Variants in BABAM2 observed in about 807,000 individuals in gnomAD.
The protein encoded by BABAM2 is BRISC and BRCA1-A complex member 2.
Under a neutral mutation model 54.7 loss-of-function variants are expected in BABAM2, and 31 were observed. The ratio of observed to expected loss-of-function variants is 0.57; its 90% CI spans 0.43 to 0.77. The LOEUF (loss-of-function observed/expected upper bound fraction) is 0.77. BABAM2 is among the 30% of genes least tolerant of loss of function. The pLI is 0.00. For missense variants in BABAM2, 364 were observed against 455.8 expected (o/e 0.80, Z 1.83); for synonymous variants, 167 against 162.9 (o/e 1.03, Z -0.19).
intron 7 of BABAM2, among the ~76,000 whole-genome samples, chr2:28,216,876 C>T (rs1679968640): frequency 6.6e-6 from 1 of 152,236 alleles, no homozygotes; most frequent in Middle Eastern, 3.2e-3. Context: ...TTTGGCCACA[C>T]TGGCCCCTTT....
intron 3 of BABAM2, among the ~76,000 whole-genome samples, chr2:27,960,372 T>C (rs1670380777): frequency 6.6e-6 from 1 of 152,176 alleles, no homozygotes; most frequent in Non-Finnish European, 1.5e-5. Flanking sequence ...CTGCTAGTGC[T>C]CTGGTTTGTG....
In BABAM2 at chr2:28,175,008, A is replaced by C. The variant is rs532685193; in HGVS notation, c.680+45628A>C. Among the ~76,000 whole-genome samples, 12 of 152,258 alleles carry C rather than the reference A, an allele frequency of 7.9e-5. No individual in the cohort carries two copies. The South Asian group carries it at 1.5e-3, about 18-fold the overall frequency. ...CTCAGGACAAAGGAAGCCAAAATGCATGCTTCCCAGAGCCCAAAACCTATC... is the reference window on the plus strand; with the variant it reads ...CTCAGGACAAAGGAAGCCAAAATGCCTGCTTCCCAGAGCCCAAAACCTATC... On this transcript the variant is annotated intron_variant, in intron 7 of 11. Coordinates refer to ENST00000379624, the MANE Select transcript of BABAM2 (RefSeq NM_199191.3).
At chr2:28,234,144 C>T (rs539222633) in intron 7 of BABAM2, among the ~76,000 whole-genome samples, 2 of 152,250 alleles carry the variant, frequency 1.3e-5, no homozygotes, top group South Asian at 2.1e-4. Context: ...TTGGTTTTAC[C>T]TATGTCTAGT....
At position 28,280,020 on chromosome 2, in the gene BABAM2, T is replaced by C. The variant is rs12464744; in HGVS notation, c.935-18318T>C. ...CACATACCTTTTCTTATTTGACTTA[T>C]AAGAACGCATTTGGTCCTAGTCTCA... On this transcript the variant is annotated intron_variant, in intron 10 of 11. Coordinates refer to ENST00000379624, the MANE Select transcript of BABAM2 (RefSeq NM_199191.3). Among the ~76,000 whole-genome samples, 260 of 152,096 alleles carry C rather than the reference T, an allele frequency of 1.7e-3. 8 individuals are homozygous for C. The highest frequency in any genetic ancestry group is 0.014 in the Admixed American group (218 of 15,264).
chr2:27,888,743 T>C (rs1664611409), upstream of BABAM2, among the ~76,000 whole-genome samples: 1 of 151,954 alleles, frequency 6.6e-6, no homozygotes, highest in Non-Finnish European at 1.5e-5. Flanking sequence ...GATGTTCTTG[T>C]AAGGCTTGGG....
At chr2:28,288,881 C>T (rs1687043143) in intron 10 of BABAM2, among the ~76,000 whole-genome samples, 1 of 151,954 alleles carries the variant, frequency 6.6e-6, no homozygotes, top group African/African-American at 2.4e-5. Context: ...CTTGACCTTG[C>T]CAGGTCTCCT....
At chr2:28,260,474 G>T (rs539036685) in intron 10 of BABAM2, among the ~76,000 whole-genome samples, 2 of 148,746 alleles carry the variant, frequency 1.3e-5, no homozygotes, top group Non-Finnish European at 2.9e-5. Context: ...GCTAATTTTT[G>T]TATTTTTAGT....
At chr2:28,018,182 T>C (rs1475005324) in intron 4 of BABAM2, among the ~76,000 whole-genome samples, 1 of 152,210 alleles carries the variant, frequency 6.6e-6, no homozygotes, top group Non-Finnish European at 1.5e-5. Flanking sequence ...TGCGTCATTC[T>C]TATACCTTTG....
chr2:28,092,585 G>A (rs1306119334), intron 6 of BABAM2, among the ~76,000 whole-genome samples: 2 of 152,140 alleles, frequency 1.3e-5, no homozygotes, highest in African/African-American at 4.8e-5. Flanking sequence ...TTAAGACAGA[G>A]GTATACCATG....
chr2:27,992,662 T>G (rs1387089013), intron 4 of BABAM2, among the ~76,000 whole-genome samples: 3 of 152,216 alleles, frequency 2.0e-5, no homozygotes, highest in African/African-American at 4.8e-5. Flanking sequence ...GTTGGAATTT[T>G]GGGATTAAAA....
chr2:28,082,868 T>G (rs1377734363), intron 6 of BABAM2, among the ~76,000 whole-genome samples: 7 of 152,196 alleles, frequency 4.6e-5, no homozygotes, highest in African/African-American at 1.4e-4. Context: ...TCACTTCTCC[T>G]GATATACTGT....
At chr2:28,125,584 C>T (rs1293089959) in intron 6 of BABAM2, among the ~76,000 whole-genome samples, 3 of 152,134 alleles carry the variant, frequency 2.0e-5, no homozygotes, top group South Asian at 4.1e-4. Flanking sequence ...TGAGCCACCG[C>T]GCCCGGCCTG....
chr2:27,969,403 G>A (rs2148447394), intron 3 of BABAM2, among the ~76,000 whole-genome samples: 1 of 152,278 alleles, frequency 6.6e-6, no homozygotes, highest in Admixed American at 6.5e-5. Flanking sequence ...TGAAGAGTAG[G>A]TTATTGCTGT....
intron 7 of BABAM2, among the ~76,000 whole-genome samples, chr2:28,132,808 A>G (rs986892380): frequency 3.3e-5 from 5 of 152,190 alleles, no homozygotes; most frequent in Non-Finnish European, 7.3e-5. Flanking sequence ...TTAATTGGTG[A>G]TAAGGATTTT....
intron 5 of BABAM2, among the ~76,000 whole-genome samples, chr2:28,030,537 A>G (rs1676222749): frequency 6.6e-6 from 1 of 152,212 alleles, no homozygotes; most frequent in African/African-American, 2.4e-5. Context: ...GAAACAGGGT[A>G]TAAAAGTGAG....
chr2:28,227,713 C>T lies in BABAM2; in HGVS notation c.681-9489C>T, dbSNP rs116380194. 2.7e-3 allele frequency among the ~76,000 whole-genome samples: 415 copies of T among 152,112 alleles called. 2 individuals are homozygous for T. The highest frequency in any genetic ancestry group is 9.6e-3 in the African/African-American group (398 of 41,396). On this transcript the variant is annotated intron_variant, in intron 7 of 11. Transcript: ENST00000379624. Reference sequence around the variant, plus strand: ...GAGGCACATTTGCATTGACCACACCCCTTCCCATTCCAGCCCTGGCCGTGC... The same window carrying T: ...GAGGCACATTTGCATTGACCACACCTCTTCCCATTCCAGCCCTGGCCGTGC...
intron 11 of BABAM2, 32 bp from the exon 12 acceptor site, chr2:28,338,418 A>T (rs757594148): frequency 1.9e-6 from 3 of 1,594,716 alleles, no homozygotes; most frequent in Non-Finnish European, 1.7e-6. Context: ...TGTGCTAACC[A>T]CAATTTTTTT....
intron 7 of BABAM2, among the ~76,000 whole-genome samples, chr2:28,176,789 A>G (rs1437112522): frequency 6.6e-6 from 1 of 150,520 alleles, no homozygotes; most frequent in African/African-American, 2.4e-5. Flanking sequence ...TAGATCAAGC[A>G]GAAGAAAATT....
intron 7 of BABAM2, among the ~76,000 whole-genome samples, chr2:28,150,458 A>T (rs1282225683): frequency 6.6e-6 from 1 of 152,216 alleles, no homozygotes; most frequent in African/African-American, 2.4e-5. Context: ...GAAAAGAGAG[A>T]ACTCACTCCC....
Sources: gnomAD v4.1 joint callset for allele counts (sites outside exome capture counted in the v4.1 genomes callset) on GRCh38, gnomAD v4.1.1 for gene constraint, MANE v1.5 for transcripts, NCBI Gene and HGNC (gene_info 2026-07-23, HGNC 2026-07-21) for gene names.